Variants in SASH1 observed in about 807,000 individuals in gnomAD.
SASH1 encodes SAM and SH3 domain-containing protein 1.
A neutral mutation model predicts 125.2 loss-of-function variants in SASH1; 44 were observed. The ratio of observed to expected loss-of-function variants is 0.35; its 90% CI spans 0.28 to 0.45. The LOEUF is 0.45. Among genes scored for constraint, SASH1 ranks in the 20% least tolerant of loss-of-function variants. The pLI is 1.00. For synonymous variants in SASH1, 639 were observed against 649.1 expected, an observed-to-expected ratio of 0.98 and a Z score of 0.24; for missense variants, 1,426 against 1,614.5, an observed-to-expected ratio of 0.88 and a Z score of 2.00.
At chr6:148,199,623 G>A in the SASH1 span, among the ~76,000 whole-genome samples, 27 of 151,284 alleles carry the variant, frequency 1.8e-4, no homozygotes, top group African/African-American at 1.9e-4. Flanking sequence ...GCTTCAGTCC[G>A]GGAGTTAGAG....
At chr6:148,482,602 GCCTCGA>G (rs1778675329) in intron 7 of SASH1, among the ~76,000 whole-genome samples, 3 of 150,326 alleles carry the variant, frequency 2.0e-5, no homozygotes, top group Admixed American at 2.0e-4. Context: ...GTTCACTGCA[GCCTCGA>G]CCTTCCAGGC....
the SASH1 span, among the ~76,000 whole-genome samples, chr6:148,255,122 G>C: frequency 6.6e-6 from 1 of 152,134 alleles, no homozygotes; most frequent in Admixed American, 6.5e-5. Context: ...GCCACATATT[G>C]CATGAGTCCA....
At chr6:148,513,273 T>G in intron 8 of SASH1, 1 of 985,410 alleles carries the variant, frequency 1.0e-6, no homozygotes, top group Non-Finnish European at 1.2e-6. Context: ...TGAACTGGGT[T>G]GGAGGAAATG....
chr6:148,326,376 ATT>A (rs1780824369), intron 1 of SASH1, among the ~76,000 whole-genome samples: 2 of 38,294 alleles, frequency 5.2e-5, no homozygotes, highest in Non-Finnish European at 9.9e-5. Flanking sequence ...ATATATATAC[ATT>A]CTTTTCTTTT....
the SASH1 span, among the ~76,000 whole-genome samples, chr6:148,222,884 G>A: frequency 6.6e-6 from 1 of 151,912 alleles, no homozygotes; most frequent in Middle Eastern, 3.2e-3. Flanking sequence ...ACATCACAGG[G>A]CTGGGGGCTT....
chr6:148,364,895 G>A (rs1356156278), intron 1 of SASH1, among the ~76,000 whole-genome samples: 1 of 152,162 alleles, frequency 6.6e-6, no homozygotes, highest in Non-Finnish European at 1.5e-5. Flanking sequence ...GGCTTAGGAA[G>A]ACAGATCACC....
the SASH1 span, among the ~76,000 whole-genome samples, chr6:148,236,272 T>A: frequency 6.6e-6 from 1 of 152,038 alleles, no homozygotes; most frequent in Non-Finnish European, 1.5e-5. Flanking sequence ...TGGAGTGCAA[T>A]GGCACGATCT....
rs535357841 is a variant in SASH1, at chr6:148,424,249, G to T, written c.286-15935G>T. Among the ~76,000 whole-genome samples, 163 of 150,924 alleles carry T rather than the reference G, an allele frequency of 1.1e-3. 1 individual carries two copies. The highest frequency in any genetic ancestry group is 2.1e-3 in the South Asian group (10 of 4,776). ...TTCTTCTTCTTTTTTTTTTTTGGGG[G>T]GGGGAGGTGGGACAGGGTCTCGCTC... On this transcript the variant is annotated intron_variant, in intron 2 of 19. Coordinates refer to ENST00000367467, the MANE Select transcript of SASH1 (RefSeq NM_015278.5).
rs1780746889 is a variant in SASH1, at chr6:148,324,566, G to A, written n.74+52189G>A. Among the ~76,000 whole-genome samples, 3 of 152,106 alleles carry A rather than the reference G, an allele frequency of 2.0e-5. No individual in the cohort carries two copies. The South Asian group carries it at 6.2e-4, about 32-fold the overall frequency. Reference sequence around the variant, plus strand: ...TCTCAGATTCTTCTTCTCCACTCCAGCCTTATAGCCATTGCTCTTGCTGTC... The same window carrying A: ...TCTCAGATTCTTCTTCTCCACTCCAACCTTATAGCCATTGCTCTTGCTGTC... On this transcript the variant is annotated intron_variant and non_coding_transcript_variant, in intron 1 of 3. Transcript: ENST00000367469.
At chr6:148,294,180 T>A (rs565600555) in intron 1 of SASH1, among the ~76,000 whole-genome samples, 3 of 152,290 alleles carry the variant, frequency 2.0e-5, no homozygotes, top group East Asian at 3.9e-4. Flanking sequence ...CACAAAAAAA[T>A]TCGGGTCCAT....
At chr6:148,364,081 TCATCG>T (rs1434480762) in intron 1 of SASH1, among the ~76,000 whole-genome samples, 17 of 152,244 alleles carry the variant, frequency 1.1e-4, no homozygotes, top group East Asian at 5.8e-4. Context: ...ATTTCCCAGC[TCATCG>T]GCAGCCCATC....
chr6:148,326,341 T>C (rs537554163), intron 1 of SASH1, among the ~76,000 whole-genome samples: 1 of 88,360 alleles, frequency 1.1e-5, no homozygotes, highest in East Asian at 4.7e-4. Flanking sequence ...TATATATATA[T>C]ATATATATAT....
chr6:148,502,400 C>T lies in SASH1; in HGVS notation c.730-11924C>T, dbSNP rs770735323. 2.0e-5 allele frequency among the ~76,000 whole-genome samples: 3 copies of T among 152,152 alleles called. No individual in the cohort carries two copies. In the South Asian group the frequency reaches 6.2e-4, roughly 32 times the overall value. Reference sequence around the variant, plus strand: ...GTGTGTTTCATATTTTCTACTGTTACTTCTAGCAACTCATAAACACACTTT... The same window carrying T: ...GTGTGTTTCATATTTTCTACTGTTATTTCTAGCAACTCATAAACACACTTT... On this transcript the variant is annotated intron_variant, in intron 8 of 19. Coordinates refer to ENST00000367467, the MANE Select transcript of SASH1 (RefSeq NM_015278.5).
At chr6:148,310,373 C>T (rs578248710) in intron 1 of SASH1, among the ~76,000 whole-genome samples, 1 of 150,728 alleles carries the variant, frequency 6.6e-6, no homozygotes, top group Non-Finnish European at 1.5e-5. Context: ...GTGCAAATCT[C>T]TGCTGTATCT....
At chr6:148,198,698 ACT>A in the SASH1 span, among the ~76,000 whole-genome samples, 2 of 152,180 alleles carry the variant, frequency 1.3e-5, no homozygotes, top group African/African-American at 4.8e-5. Context: ...GAAGGCAAGA[ACT>A]CTAAAGCATC....
At chr6:148,470,770 G>C (rs1199892385) in intron 5 of SASH1, among the ~76,000 whole-genome samples, 1 of 152,018 alleles carries the variant, frequency 6.6e-6, no homozygotes, top group Non-Finnish European at 1.5e-5. Flanking sequence ...TTGTGCCCTG[G>C]GTAAGCTGTA....
chr6:148,388,207 G>A (rs942591994), intron 1 of SASH1, among the ~76,000 whole-genome samples: 2 of 152,112 alleles, frequency 1.3e-5, no homozygotes, highest in African/African-American at 4.8e-5. Flanking sequence ...GAGCCCCTGC[G>A]CCCGGCCCAG....
At chr6:148,396,463 T>G (rs1583081793) in intron 2 of SASH1, among the ~76,000 whole-genome samples, 1 of 109,402 alleles carries the variant, frequency 9.1e-6, no homozygotes, top group African/African-American at 3.8e-5. Context: ...GGTGCCAGAG[T>G]GAGACTGCAT....
At chr6:148,471,225 T>G (rs1778091587) in intron 5 of SASH1, among the ~76,000 whole-genome samples, 192 bp from the exon 6 acceptor site, 1 of 152,108 alleles carries the variant, frequency 6.6e-6, no homozygotes, top group African/African-American at 2.4e-5. Context: ...CTAGGAAATT[T>G]GCATTTCTTT....
Sources: allele counts gnomAD v4.1 joint callset (sites outside exome capture counted in the v4.1 genomes callset), GRCh38; gene constraint gnomAD v4.1.1; transcripts MANE v1.5; gene names NCBI Gene and HGNC (gene_info 2026-07-23, HGNC 2026-07-21).